Variants in MAN2C1 observed in about 807,000 individuals in gnomAD.
The protein encoded by MAN2C1 is alpha-mannosidase 2C1.
A neutral mutation model predicts 126.9 loss-of-function variants in MAN2C1; 111 were observed. That is an observed-to-expected ratio of 0.87 (90% CI 0.75 to 1.02). The LOEUF (loss-of-function observed/expected upper bound fraction) is 1.02, where lower values mean the gene tolerates loss of function less well. Ranked by LOEUF, MAN2C1 falls within the 50% of genes least tolerant of loss-of-function variation. The pLI is 0.00. For missense variants in MAN2C1, 1,363 were observed against 1,364.4 expected, an observed-to-expected ratio of 1.00 and a Z score of 0.02; for synonymous variants, 567 against 561.5, an observed-to-expected ratio of 1.01 and a Z score of -0.14.
At chr15:75,358,997 G>A in intron 18 of MAN2C1, 62 bp downstream of exon 18, 1 of 1,599,708 alleles carries the variant, frequency 6.3e-7, no homozygotes, top group East Asian at 2.2e-5. Context: ...GGCAAGGGGA[G>A]AGAGGAAATG....
At position 75,368,116 on chromosome 15, in the gene MAN2C1, G is replaced by A. The variant is rs752635218; in HGVS notation, c.184C>T (p.Arg62Trp). ...ERLPYQEAVQ[R>W]DFRPAQVGDS... Reference sequence around the variant, plus strand: ...CCGACCTGCGCGGGGCGGAAGTCCCGCTGGACTGCCTCCTGGTAGGGAAGT... The same window carrying A: ...CCGACCTGCGCGGGGCGGAAGTCCCACTGGACTGCCTCCTGGTAGGGAAGT... Residue 62 changes from arginine (R) to tryptophan (W), a missense_variant, in exon 2 of 26, where the codon CGG (arginine) becomes TGG (tryptophan). Physicochemically the swap from Arg to Trp is moderately radical, Grantham distance 101 (BLOSUM62 -3). Transcript: ENST00000267978. 7 of 1,606,004 alleles carry A rather than the reference G, an allele frequency of 4.4e-6. No individual in the cohort carries two copies. The highest frequency in any genetic ancestry group is 5.1e-6 in the Non-Finnish European group (6 of 1,177,326).
rs772079880 is a variant in MAN2C1 at position 75,362,728 on chromosome 15, C to T, written c.811G>A (p.Glu271Lys). The T allele has an allele frequency of 5.8e-5, 93 of 1,613,998 alleles. No individual in the cohort carries two copies. The highest frequency in any genetic ancestry group is 7.1e-5 in the Non-Finnish European group (84 of 1,180,008). Residue 271 changes from glutamate (E) to lysine (K), a missense_variant, in exon 7 of 26, where the codon GAG becomes AAG. Physicochemically the swap from Glu to Lys is moderately conservative, Grantham distance 56. This residue lies in a region of MAN2C1 where 628 missense variants were observed against 609.8 expected (regional missense o/e 1.03). Coordinates refer to ENST00000267978, the MANE Select transcript of MAN2C1 (RefSeq NM_006715.4). The surrounding 1 kb of genome is among the most constrained non-coding windows in gnomAD (Gnocchi z 4.5). ...CTCCGGGCACATTTCCTCACAGTCT[C>T]TTTGAAGGGCCAAAGCCAGGCTATA... ...IDTAWLWPFKETVRKCARSWV... is the reference protein window; with the variant it reads ...IDTAWLWPFKKTVRKCARSWV...
Position 75,359,692 on chromosome 15 carries a change from TGAG to T in MAN2C1, c.1873_1875del (p.Leu625del), listed in dbSNP as rs776865786. ...CGCTTCCAGGGCAGTGTGTTGACGATGAGGAGGCCCTCAGGACCTGGCTCCCCA... is the reference window on the plus strand; with the variant it reads ...CGCTTCCAGGGCAGTGTGTTGACGATGAGGCCCTCAGGACCTGGCTCCCCA... On this transcript the variant is annotated inframe_deletion, in exon 16 of 26. Coordinates refer to ENST00000267978, the MANE Select transcript of MAN2C1 (RefSeq NM_006715.4). 347 of 1,614,032 alleles carry T rather than the reference TGAG, an allele frequency of 2.1e-4. No individual in the cohort carries two copies. The highest frequency in any genetic ancestry group is 2.7e-4 in the Non-Finnish European group (319 of 1,180,018).
Position 75,361,640 on chromosome 15 carries a change from G to C in MAN2C1, c.1182C>G (p.Thr394=). The C allele has an allele frequency of 6.2e-7, 1 of 1,613,994 alleles. No individual in the cohort carries two copies. The highest frequency in any genetic ancestry group is 8.5e-7 in the Non-Finnish European group (1 of 1,180,006). Reference sequence around the variant, plus strand: ...TCACCAAATTCCAGCTCAATTTCTGGGTGAGAAAGCGCCTGATGCCACAGC... The same window carrying C: ...TCACCAAATTCCAGCTCAATTTCTGCGTGAGAAAGCGCCTGATGCCACAGC... ...MHGCGIRRFL[T]QKLSWNLVNS... Residue 394 remains threonine, a synonymous_variant, in exon 10 of 26, where the codon ACC becomes ACG. Transcript: ENST00000267978. The surrounding 1 kb of genome is among the most constrained non-coding windows in gnomAD (Gnocchi z 5.0).
Position 75,356,172 on chromosome 15 carries a change from C to T in MAN2C1, c.2934G>A (p.Glu978=), listed in dbSNP as rs1478758451. 1.2e-6 allele frequency: 2 copies of T among 1,613,512 alleles called. No individual in the cohort carries two copies. The highest frequency in any genetic ancestry group is 8.5e-7 in the Non-Finnish European group (1 of 1,179,990). Residue 978 remains glutamate (E), a synonymous_variant, in exon 25 of 26, where the codon GAG becomes GAA. Coordinates refer to ENST00000267978, the MANE Select transcript of MAN2C1 (RefSeq NM_006715.4). The surrounding 1 kb of genome is among the most constrained non-coding windows in gnomAD (Gnocchi z 5.8). ...QRRSLVLRLY[E]AHGSHVDCWL... is the part of the protein sequence containing the mutation. ...AGCAGTCCACGTGGCTGCCGTGGGC[C>T]TCATACAGCCTCAGGACCAGCGAGC...
In MAN2C1 at chr15:75,358,729, C is replaced by T. The variant is rs202225543; in HGVS notation, c.2221G>A (p.Val741Ile). The stretch of plus-strand genomic sequence containing the variant: ...CGTGTCTCCAGGTGGTAGTCCATGA[C>T]GTCCCATGCATCCCAGTACAAGGGG... ...DVPLYWDAWD[V>I]MDYHLETRKP... is the part of the protein sequence containing the mutation. Residue 741 changes from valine (V) to isoleucine (I), a missense_variant, in exon 19 of 26, where the codon GTC becomes ATC. By Grantham distance (29) the Val-to-Ile change is conservative. Coordinates refer to ENST00000267978, the MANE Select transcript of MAN2C1 (RefSeq NM_006715.4). 21 of 1,145,998 alleles carry T rather than the reference C, an allele frequency of 1.8e-5. No individual in the cohort carries two copies. Among genetic ancestry groups the T allele is most frequent in the South Asian group, 7.5e-5 (6 of 79,556 alleles). The allele number at this position is 1,145,998 out of a possible 1,614,324, so 71.0% of individuals were successfully genotyped here.
At position 75,361,261 on chromosome 15, in the gene MAN2C1, C is replaced by T. The variant is rs1213762473; in HGVS notation, c.1314+25G>A. 1.3e-6 allele frequency: 2 copies of T among 1,580,098 alleles called. No homozygotes were observed. Among genetic ancestry groups the T allele is most frequent in the South Asian group, 1.2e-5 (1 of 86,698 alleles). On this transcript the variant is annotated intron_variant, in intron 11 of 25. Transcript: ENST00000267978. This position sits in a 1 kb window ranked among gnomAD's most constrained non-coding sequence, Gnocchi z 5.0. ...CCAGCCCTCTCCAGCCTGCCCCTACCCCACCACCCTAGGTGACCCCTCACC... is the reference window on the plus strand; with the variant it reads ...CCAGCCCTCTCCAGCCTGCCCCTACTCCACCACCCTAGGTGACCCCTCACC...
rs1160719643 is a variant in MAN2C1 at position 75,368,536 on chromosome 15, C to T, written c.48G>A (p.Arg16=). ...AGAGCGGCGACACGAACTTCTCCAC[C>T]CGCTCCAGCGTGGTGCGCCAGTGCT... ...ALKHWRTTLE[R]VEKFVSPLYF... Residue 16 remains arginine, a synonymous_variant, in exon 1 of 26, where the codon CGG becomes CGA. Coordinates refer to ENST00000267978, the MANE Select transcript of MAN2C1 (RefSeq NM_006715.4). The T allele has an allele frequency of 6.4e-7, 1 of 1,555,112 alleles. No homozygotes were observed. Among genetic ancestry groups the T allele is most frequent in the Non-Finnish European group, 8.7e-7 (1 of 1,150,328 alleles).
rs759168571 is a variant in MAN2C1, at chr15:75,360,628, C to T, written c.1521G>A (p.Leu507=). The T allele has an allele frequency of 1.9e-6, 3 of 1,613,946 alleles. No homozygotes were observed. The East Asian group carries it at 6.7e-5, about 36-fold the overall frequency. ...AGAAGAGCTCCCCAACCCACGTGCA[C>T]AGCTGCTCTGAGTCACTCTCCAGTG... ...FSALESDSEQ[L]CTWVGELFLE... The change falls in exon 13 of 26, where the codon CTG becomes CTA. Residue 507 remains leucine, a synonymous_variant. Transcript: ENST00000267978.
At chr15:75,367,204 G>A (rs538288808) in intron 3 of MAN2C1, among the ~76,000 whole-genome samples, 1 of 152,090 alleles carries the variant, frequency 6.6e-6, no homozygotes, top group East Asian at 1.9e-4. Context: ...ACCTGATAAG[G>A]GTGGAGCATG....
Position 75,361,427 on chromosome 15 carries a change from G to T in MAN2C1, c.1219-46C>A. ...GCAGGGCAGAGAGGCCAGAGTCAGG[G>T]CTGAGGCAGAGCCAGGCCTTCCAGA... On this transcript the variant is annotated intron_variant, in intron 10 of 25. Coordinates refer to ENST00000267978, the MANE Select transcript of MAN2C1 (RefSeq NM_006715.4). This position sits in a 1 kb window ranked among gnomAD's most constrained non-coding sequence, Gnocchi z 5.0. 6.8e-7 allele frequency: 1 copy of T among 1,471,384 alleles called. No homozygotes were observed. Among genetic ancestry groups the T allele is most frequent in the Non-Finnish European group, 9.4e-7 (1 of 1,063,946 alleles). The allele number at this position is 1,471,384 out of a possible 1,614,324, so 91.1% of individuals were successfully genotyped here.
Position 75,361,688 on chromosome 15 carries a change from T to G in MAN2C1, c.1134A>C (p.Ala378=). The G allele has an allele frequency of 6.2e-7, 1 of 1,614,002 alleles. No individual in the cohort carries two copies. The highest frequency in any genetic ancestry group is 1.1e-5 in the South Asian group (1 of 91,088). The change falls in exon 10 of 26, where the codon GCA becomes GCC. Residue 378 remains alanine, a synonymous_variant. Coordinates refer to ENST00000267978, the MANE Select transcript of MAN2C1 (RefSeq NM_006715.4). The surrounding 1 kb of genome is among the most constrained non-coding windows in gnomAD (Gnocchi z 5.0). The stretch of plus-strand genomic sequence containing the variant: ...AGCCGTGCATGATCTGGGGGAGCTG[T>G]GCTGAGTAGCCAAAGGTGTCCGGCA... The part of the protein sequence containing the change: ...FWLPDTFGYS[A]QLPQIMHGCG...
Position 75,360,434 on chromosome 15 carries a change from G to A in MAN2C1, c.1584+131C>T, listed in dbSNP as rs1167643951. 12 of 1,406,202 alleles carry A rather than the reference G, an allele frequency of 8.5e-6. No homozygotes were observed. The East Asian group carries it at 2.5e-4, about 29-fold the overall frequency. 87.1% of individuals were successfully genotyped at this position (1,406,202 alleles called of 1,614,324 possible). On this transcript the variant is annotated intron_variant, in intron 13 of 25. Transcript: ENST00000267978. ...CTTCAAGCTTTCTTGACCAACCCAG[G>A]TCTTGAACTTCTCTCCTCCAAACTT... is the stretch of plus-strand genomic sequence containing the variant.
In MAN2C1 at chr15:75,358,450, C is replaced by T. The variant is rs187023048; in HGVS notation, c.2403+12G>A. ...ACTTGGGGAAAACAGCCACCCCCTA[C>T]CCCCCGACTACCTCGGTGTGGAAGC... On this transcript the variant is annotated intron_variant, in intron 20 of 25. Transcript: ENST00000267978. The T allele has an allele frequency of 5.0e-6, 8 of 1,613,030 alleles. No individual in the cohort carries two copies. Among genetic ancestry groups the T allele is most frequent in the Admixed American group, 3.3e-5 (2 of 59,996 alleles).
Position 75,361,089 on chromosome 15 carries a change from G to A in MAN2C1, c.1417C>T (p.Leu473=), listed in dbSNP as rs779580164. ...DGGGGPTQTM[L]DRLKRLSNTD... is the part of the protein sequence containing the mutation. ...TTGCTCAGGCGCTTCAGGCGGTCCA[G>A]CATGGTCTGGGTGGGGCCACCACCC... Residue 473 remains leucine (L), a synonymous_variant, in exon 12 of 26, where the codon CTG becomes TTG. Transcript: ENST00000267978. The surrounding 1 kb of genome is among the most constrained non-coding windows in gnomAD (Gnocchi z 5.0). 2.5e-6 allele frequency: 4 copies of A among 1,612,300 alleles called. No homozygotes were observed. The highest frequency in any genetic ancestry group is 3.4e-6 in the Non-Finnish European group (4 of 1,179,434).
At position 75,356,943 on chromosome 15, in the gene MAN2C1, C is replaced by A; in HGVS notation, c.2548-41G>T. The A allele has an allele frequency of 6.5e-7, 1 of 1,531,342 alleles. No individual in the cohort carries two copies. The highest frequency in any genetic ancestry group is 1.1e-5 in the South Asian group (1 of 89,074). The allele number at this position is 1,531,342 out of a possible 1,614,324, so 94.9% of individuals were successfully genotyped here. On this transcript the variant is annotated intron_variant, in intron 21 of 25. Transcript: ENST00000267978. The surrounding 1 kb of genome is among the most constrained non-coding windows in gnomAD (Gnocchi z 5.8). ...AAGACCCACTTGGTGGCCCTGTGCCCCTCTTTGTGCTCCCAGACTCCAGAG... is the reference window on the plus strand; with the variant it reads ...AAGACCCACTTGGTGGCCCTGTGCCACTCTTTGTGCTCCCAGACTCCAGAG...
At chr15:75,364,417 C>G in intron 5 of MAN2C1, 71 bp downstream of exon 5, 2 of 1,451,194 alleles carry the variant, frequency 1.4e-6, no homozygotes, top group Non-Finnish European at 1.8e-6. Context: ...TCCCATTTAT[C>G]TGACCCAAAG....
At chr15:75,357,164 C>T (rs1254828137) in intron 21 of MAN2C1, 1 of 443,488 alleles carries the variant, frequency 2.3e-6, no homozygotes, top group Non-Finnish European at 4.1e-6. Flanking sequence ...GTTTTTTTCA[C>T]ACAGGATCTC....
chr15:75,367,534 A>G lies in MAN2C1; in HGVS notation c.328T>C (p.Trp110Arg), dbSNP rs765478775. 2 of 1,614,100 alleles carry G rather than the reference A, an allele frequency of 1.2e-6. No individual in the cohort carries two copies. The highest frequency in any genetic ancestry group is 2.2e-5 in the East Asian group (1 of 44,884). Residue 110 changes from tryptophan to arginine, a missense_variant, in exon 3 of 26, where the codon TGG becomes CGG. By Grantham distance (101) the Trp-to-Arg change is moderately radical (BLOSUM62 -3). Coordinates refer to ENST00000267978, the MANE Select transcript of MAN2C1 (RefSeq NM_006715.4). Reference protein sequence around the residue: ...CWESDGEGLVWRDGEPVQGLT... With the variant: ...CWESDGEGLVRRDGEPVQGLT... ...ACCTGGACAGGTTCTCCATCACGCC[A>G]CACCAGACCTTCTCCATCACTTTCC...
Sources: gnomAD v4.1 joint callset for allele counts (sites outside exome capture counted in the v4.1 genomes callset) on GRCh38, gnomAD v4.1.1 for gene constraint, gnomAD v4.1.1 regional missense constraint, Gnocchi (gnomAD v3.1) non-coding constraint, MANE v1.5 for transcripts, NCBI Gene and HGNC (gene_info 2026-07-23, HGNC 2026-07-21) for gene names.